The following SPOCK1 variants were observed in gnomAD, a reference collection of about 807,000 sequenced individuals.
SPOCK1 encodes SPARC (osteonectin), cwcv and kazal like domains proteoglycan 1, also known as testican-1.
SPOCK1 carries 23 observed loss-of-function variants against 55.3 expected under a neutral mutation model. The observed-to-expected ratio is 0.42, with a 90% CI of 0.30 to 0.59. The LOEUF (loss-of-function observed/expected upper bound fraction) is 0.59, where lower values mean the gene tolerates loss of function less well. SPOCK1 is among the 20% of genes least tolerant of loss of function. SPOCK1 has a pLI of 0.22. For synonymous variants in SPOCK1, 226 were observed against 221.0 expected, an observed-to-expected ratio of 1.02 and a Z score of -0.20; for missense variants, 499 against 552.5, an observed-to-expected ratio of 0.90 and a Z score of 0.97.
At chr5:137,129,668 G>C (rs957691827) in intron 4 of SPOCK1, among the ~76,000 whole-genome samples, 19 of 152,176 alleles carry the variant, frequency 1.2e-4, no homozygotes, top group African/African-American at 4.6e-4. Context: ...TCAGGGGCTT[G>C]ATGTGCAGGT....
chr5:137,037,027 C>T (rs1456996208), intron 6 of SPOCK1, among the ~76,000 whole-genome samples: 1 of 152,052 alleles, frequency 6.6e-6, no homozygotes, highest in South Asian at 2.1e-4. Context: ...CAGGTGCTCT[C>T]GCTCCGATAG....
intron 3 of SPOCK1, among the ~76,000 whole-genome samples, chr5:137,178,415 G>T (rs149961669): frequency 3.2e-4 from 49 of 152,338 alleles, no homozygotes; most frequent in African/African-American, 9.4e-4. Context: ...TCACATTTTT[G>T]ATGTCTGGTA....
chr5:137,040,252 A>AAC (rs1178619439), intron 6 of SPOCK1, among the ~76,000 whole-genome samples: 2 of 152,238 alleles, frequency 1.3e-5, no homozygotes, highest in African/African-American at 4.8e-5. Flanking sequence ...GGATGGTGTT[A>AAC]ACAGCAAGCT....
At chr5:137,451,359 C>T (rs955542496) in intron 2 of SPOCK1, among the ~76,000 whole-genome samples, 1 of 152,212 alleles carries the variant, frequency 6.6e-6, no homozygotes. Flanking sequence ...TTGCCCCAAG[C>T]TCACGTTTCA....
At chr5:137,104,033 A>G (rs1433259032) in intron 5 of SPOCK1, among the ~76,000 whole-genome samples, 1 of 152,208 alleles carries the variant, frequency 6.6e-6, no homozygotes, top group African/African-American at 2.4e-5. Context: ...TTCTCCAAAC[A>G]CATACAACTT....
intron 4 of SPOCK1, among the ~76,000 whole-genome samples, chr5:137,129,179 CCTT>C (rs1753829590): frequency 6.6e-6 from 1 of 152,202 alleles, no homozygotes; most frequent in Non-Finnish European, 1.5e-5. Context: ...TATCCATACT[CCTT>C]CTTTCCTGAA....
chr5:137,165,269 G>A (rs1338812920), intron 3 of SPOCK1, among the ~76,000 whole-genome samples: 1 of 152,238 alleles, frequency 6.6e-6, no homozygotes, highest in African/African-American at 2.4e-5. Context: ...GAGACCAAGA[G>A]TCTCTGCCTG....
chr5:137,103,414 G>A (rs925534003), intron 5 of SPOCK1, among the ~76,000 whole-genome samples: 4 of 152,244 alleles, frequency 2.6e-5, no homozygotes, highest in African/African-American at 9.6e-5. Flanking sequence ...CAAGTGGGAT[G>A]TAAACAGAAG....
At chr5:137,449,245 T>C (rs1274119302) in intron 2 of SPOCK1, among the ~76,000 whole-genome samples, 1 of 152,208 alleles carries the variant, frequency 6.6e-6, no homozygotes, top group Non-Finnish European at 1.5e-5. Context: ...AAAAGAGAGA[T>C]AGTCTCCTTG....
At chr5:137,498,304 C>CT in intron 2 of SPOCK1, 69 bp downstream of exon 2, 2 of 1,378,858 alleles carry the variant, frequency 1.5e-6, no homozygotes, top group Non-Finnish European at 1.9e-6. Flanking sequence ...ACACACACCC[C>CT]AACCCCGCTT....
chr5:137,000,030 G>A (rs140270982), intron 6 of SPOCK1, among the ~76,000 whole-genome samples: 80 of 152,252 alleles, frequency 5.3e-4, no homozygotes, highest in Admixed American at 9.8e-4. Context: ...TCACCAATGC[G>A]ATCTCAGGGC....
intron 5 of SPOCK1, among the ~76,000 whole-genome samples, chr5:137,093,114 C>G (rs1753078747): frequency 6.6e-6 from 1 of 152,180 alleles, no homozygotes; most frequent in Non-Finnish European, 1.5e-5. Context: ...CTCTTAAAGG[C>G]CCCACCTCTC....
intron 2 of SPOCK1, among the ~76,000 whole-genome samples, chr5:137,372,909 T>C (rs1751231186): frequency 1.3e-5 from 2 of 152,230 alleles, no homozygotes; most frequent in Non-Finnish European, 1.5e-5. Flanking sequence ...GAGGAACTCT[T>C]TGCAGCTACA....
chr5:137,234,676 A>G (rs2961631), intron 3 of SPOCK1, among the ~76,000 whole-genome samples: 38 of 152,090 alleles, frequency 2.5e-4, no homozygotes, highest in Non-Finnish European at 4.1e-4. Flanking sequence ...ACAGACCTTA[A>G]TTCCTCCCCT....
intron 5 of SPOCK1, among the ~76,000 whole-genome samples, chr5:137,068,863 T>A (rs1174405286): frequency 6.6e-6 from 1 of 152,156 alleles, no homozygotes; most frequent in Non-Finnish European, 1.5e-5. Flanking sequence ...TGTCTGTAAA[T>A]TTCTCAAGAT....
chr5:137,279,838 T>C (rs943317043), intron 2 of SPOCK1, among the ~76,000 whole-genome samples: 2 of 152,240 alleles, frequency 1.3e-5, no homozygotes, highest in African/African-American at 4.8e-5. Context: ...AGTTTTGCCA[T>C]GCCACCTGTT....
intron 6 of SPOCK1, among the ~76,000 whole-genome samples, chr5:137,042,070 T>C (rs184196378): frequency 2.6e-5 from 4 of 152,274 alleles, no homozygotes; most frequent in Admixed American, 2.6e-4. Flanking sequence ...AATATGTGAA[T>C]GGATAAACAA....
chr5:137,174,006 G>A (rs1425897085), intron 3 of SPOCK1, among the ~76,000 whole-genome samples: 1 of 152,208 alleles, frequency 6.6e-6, no homozygotes, highest in South Asian at 2.1e-4. Context: ...ACTGATGAAA[G>A]GCAGAGCTGA....
At chr5:137,183,183 C>A (rs1017608405) in intron 3 of SPOCK1, among the ~76,000 whole-genome samples, 1 of 152,086 alleles carries the variant, frequency 6.6e-6, no homozygotes, top group African/African-American at 2.4e-5. Flanking sequence ...ATGTGGCAGA[C>A]ACTATGAATA....
Sources: gnomAD v4.1 joint callset for allele counts (sites outside exome capture counted in the v4.1 genomes callset) on GRCh38, gnomAD v4.1.1 for gene constraint, MANE v1.5 for transcripts, NCBI Gene and HGNC (gene_info 2026-07-23, HGNC 2026-07-21) for gene names.